Variants in FGF12 observed in about 807,000 individuals in gnomAD.
The protein encoded by FGF12 is fibroblast growth factor 12B.
Under a neutral mutation model 23.6 loss-of-function variants are expected in FGF12, and 14 were observed. That is an observed-to-expected ratio of 0.59 (90% CI 0.39 to 0.93). The LOEUF (loss-of-function observed/expected upper bound fraction) is 0.93. Among genes scored for constraint, FGF12 ranks in the 40% least tolerant of loss-of-function variants. FGF12 has a pLI of 0.00. For missense variants in FGF12, 175 were observed against 217.8 expected, an observed-to-expected ratio of 0.80 and a Z score of 1.24; for synonymous variants, 62 against 77.3, an observed-to-expected ratio of 0.80 and a Z score of 1.04.
chr3:192,590,059 C>G (rs897483854), intron 2 of FGF12, among the ~76,000 whole-genome samples: 1 of 151,744 alleles, frequency 6.6e-6, no homozygotes, highest in Admixed American at 6.6e-5. Context: ...CCACTGGACT[C>G]TGAAGTGGTA....
intron 4 of FGF12, among the ~76,000 whole-genome samples, chr3:192,307,640 T>C (rs1257293592): frequency 6.6e-6 from 1 of 152,046 alleles, no homozygotes; most frequent in East Asian, 1.9e-4. Context: ...AGCACTGAGG[T>C]TGGGCTTTAA....
At chr3:192,432,620 CAAAAAAAAAA>C (rs201364119) in intron 2 of FGF12, among the ~76,000 whole-genome samples, 19 of 106,730 alleles carry the variant, frequency 1.8e-4, no homozygotes, top group Admixed American at 1.5e-3. Context: ...TGACATCTGG[CAAAAAAAAAA>C]AAAAAAAAAA....
intron 2 of FGF12, among the ~76,000 whole-genome samples, chr3:192,494,851 T>C (rs1187367783): frequency 6.6e-6 from 1 of 151,688 alleles, no homozygotes; most frequent in East Asian, 1.9e-4. Context: ...CATATATATA[T>C]ATATATATAA....
chr3:192,174,378 C>T (rs1242261585), intron 4 of FGF12, among the ~76,000 whole-genome samples: 2 of 151,258 alleles, frequency 1.3e-5, no homozygotes, highest in East Asian at 3.9e-4. Context: ...GCATCCAGGT[C>T]CTAATCAGCA....
At chr3:192,171,090 C>T (rs1715534111) in intron 4 of FGF12, among the ~76,000 whole-genome samples, 1 of 152,200 alleles carries the variant, frequency 6.6e-6, no homozygotes, top group African/African-American at 2.4e-5. Flanking sequence ...AGAGACTATT[C>T]TGTATATACA....
At chr3:192,262,493 G>A (rs534240524) in intron 4 of FGF12, among the ~76,000 whole-genome samples, 9 of 152,252 alleles carry the variant, frequency 5.9e-5, no homozygotes, top group Non-Finnish European at 8.8e-5. Flanking sequence ...GGTCAACAAT[G>A]TACTACATAT....
chr3:192,195,972 A>C (rs1717047276), intron 4 of FGF12, among the ~76,000 whole-genome samples: 1 of 152,084 alleles, frequency 6.6e-6, no homozygotes, highest in South Asian at 2.1e-4. Context: ...CCTCCCATCT[A>C]ACTGTATTAC....
intron 2 of FGF12, among the ~76,000 whole-genome samples, chr3:192,568,521 C>G (rs1364170906): frequency 6.6e-6 from 1 of 152,148 alleles, no homozygotes; most frequent in African/African-American, 2.4e-5. Context: ...TGGTCACAGT[C>G]AAAAGCGTTC....
intron 5 of FGF12, among the ~76,000 whole-genome samples, chr3:192,155,186 C>G (rs1026643886): frequency 6.7e-6 from 1 of 148,278 alleles, no homozygotes. Context: ...GCACGGTGCG[C>G]GCACCCACTG....
chr3:192,411,553 T>G (rs58330564), intron 2 of FGF12, among the ~76,000 whole-genome samples: 36,118 of 152,170 alleles, frequency 0.24, 5,535 homozygotes, highest in Non-Finnish European at 0.34. Flanking sequence ...TTTCCATATG[T>G]GCATCTGGAT....
chr3:192,617,969 A>T (rs1714825642), intron 2 of FGF12, among the ~76,000 whole-genome samples: 1 of 152,106 alleles, frequency 6.6e-6, no homozygotes, highest in Non-Finnish European at 1.5e-5. Flanking sequence ...AAGGAAAATA[A>T]ATTTGGGTTA....
intron 4 of FGF12, among the ~76,000 whole-genome samples, chr3:192,178,085 G>A (rs1715958718): frequency 6.6e-6 from 1 of 152,082 alleles, no homozygotes; most frequent in Non-Finnish European, 1.5e-5. Context: ...TTTTCTTCCT[G>A]TATATCTCTA....
intron 3 of FGF12, among the ~76,000 whole-genome samples, chr3:192,356,297 A>G (rs990125825): frequency 2.0e-5 from 3 of 152,178 alleles, no homozygotes; most frequent in African/African-American, 7.2e-5. Context: ...CTTGTCAGGC[A>G]GCCCATTCCA....
At chr3:192,481,471 A>C (rs969510245) in intron 2 of FGF12, among the ~76,000 whole-genome samples, 1 of 152,220 alleles carries the variant, frequency 6.6e-6, no homozygotes, top group Admixed American at 6.5e-5. Flanking sequence ...ACATCTATAA[A>C]GGTAATCCTA....
At chr3:192,187,651 G>A (rs1716546394) in intron 4 of FGF12, among the ~76,000 whole-genome samples, 1 of 152,130 alleles carries the variant, frequency 6.6e-6, no homozygotes, top group Admixed American at 6.5e-5. Context: ...TCTTGAATAA[G>A]AATCAGGACC....
At chr3:192,635,835 G>A (rs565268250) in intron 2 of FGF12, among the ~76,000 whole-genome samples, 13 of 152,286 alleles carry the variant, frequency 8.5e-5, no homozygotes, top group African/African-American at 2.6e-4. Context: ...ATGTAGAACT[G>A]ATTCTCTTTT....
At chr3:192,329,313 A>G (rs950646245) in intron 4 of FGF12, among the ~76,000 whole-genome samples, 1 of 152,226 alleles carries the variant, frequency 6.6e-6, no homozygotes, top group Non-Finnish European at 1.5e-5. Context: ...TGAATTACAT[A>G]GGTACAGAAG....
chr3:192,621,133 T>A (rs1191451753), intron 2 of FGF12, among the ~76,000 whole-genome samples: 1 of 152,200 alleles, frequency 6.6e-6, no homozygotes, highest in Non-Finnish European at 1.5e-5. Context: ...GTTTTTGTTT[T>A]CACCCACCCC....
At chr3:192,524,951 G>A (rs1724907360) in intron 2 of FGF12, among the ~76,000 whole-genome samples, 1 of 152,076 alleles carries the variant, frequency 6.6e-6, no homozygotes, top group African/African-American at 2.4e-5. Flanking sequence ...TTGTCCTAAT[G>A]CTACAAAGAT....
Sources: gnomAD v4.1 joint callset for allele counts (sites outside exome capture counted in the v4.1 genomes callset) on GRCh38, gnomAD v4.1.1 for gene constraint, MANE v1.5 for transcripts, NCBI Gene and HGNC (gene_info 2026-07-23, HGNC 2026-07-21) for gene names.